The following ARID4B variants were observed in gnomAD, a reference collection of about 807,000 sequenced individuals.
The protein encoded by ARID4B is AT-rich interaction domain 4B.
In ARID4B, 26 loss-of-function variants were observed where a neutral mutation model predicts 147.5. The ratio of observed to expected loss-of-function variants is 0.18; its 90% CI spans 0.13 to 0.24. The LOEUF is 0.24. Among genes scored for constraint, ARID4B ranks in the 10% least tolerant of loss-of-function variants. ARID4B has a pLI of 1.00. For missense variants in ARID4B, 1,179 were observed against 1,511.5 expected (o/e 0.78, Z 3.65); for synonymous variants, 512 against 507.9 (o/e 1.01, Z -0.11).
intron 2 of ARID4B, among the ~76,000 whole-genome samples, chr1:235,282,426 T>G (rs895973771): frequency 6.6e-6 from 1 of 152,222 alleles, no homozygotes; most frequent in East Asian, 1.9e-4. Flanking sequence ...TAACAGTCAA[T>G]GCAAATTTAG....
intron 12 of ARID4B, among the ~76,000 whole-genome samples, chr1:235,223,722 A>G (rs1208033572): frequency 1.3e-5 from 2 of 149,838 alleles, no homozygotes; most frequent in Admixed American, 6.7e-5. Flanking sequence ...AAGAAAACGC[A>G]AGGCAAGGAT....
Position 235,294,976 on chromosome 1 carries a change from A to C in ARID4B, c.6+31938T>G, listed in dbSNP as rs572326522. Among the ~76,000 whole-genome samples, 397 of 151,528 alleles carry C rather than the reference A, an allele frequency of 2.6e-3. 2 individuals are homozygous for C. The highest frequency in any genetic ancestry group is 0.024 in the Middle Eastern group (7 of 294). ...AAATACACAGAGAATTATTATTTCAAGTATCTTAAATATTAATATTTATTT... is the reference window on the plus strand; with the variant it reads ...AAATACACAGAGAATTATTATTTCACGTATCTTAAATATTAATATTTATTT... On this transcript the variant is annotated intron_variant, in intron 2 of 23. Transcript: ENST00000264183.
intron 2 of ARID4B, among the ~76,000 whole-genome samples, chr1:235,261,357 A>C (rs1439430507): frequency 1.3e-5 from 2 of 152,112 alleles, no homozygotes; most frequent in African/African-American, 4.8e-5. Flanking sequence ...TCAACTCTAC[A>C]AAATAAAAAA....
rs1417865762 is a variant in ARID4B at position 235,175,229 on chromosome 1, G to T, written c.3619C>A (p.Pro1207Thr). The change falls in exon 22 of 24, where the codon CCC becomes ACC. Residue 1207 changes from proline to threonine, a missense_variant. Pro to Thr is a conservative substitution (Grantham distance 38). Transcript: ENST00000264183. Reference protein sequence around the residue: ...NGDKDPDLKEPSNRLPKVYKW... With the variant: ...NGDKDPDLKETSNRLPKVYKW... Reference sequence around the variant, plus strand: ...TAAACTTTGGGTAATCGATTACTGGGTTCCTTGAGATCAGGATCCTTATCA... The same window carrying T: ...TAAACTTTGGGTAATCGATTACTGGTTTCCTTGAGATCAGGATCCTTATCA... 3.7e-6 allele frequency: 6 copies of T among 1,614,044 alleles called. No individual in the cohort carries two copies. The highest frequency in any genetic ancestry group is 5.1e-6 in the Non-Finnish European group (6 of 1,180,042).
At chr1:235,276,726 G>A (rs577540676) in intron 2 of ARID4B, among the ~76,000 whole-genome samples, 14 of 152,178 alleles carry the variant, frequency 9.2e-5, no homozygotes, top group African/African-American at 2.6e-4. Flanking sequence ...GGCCAGGCGC[G>A]GTGGCTCATG....
At chr1:235,267,812 G>A (rs990196534) in intron 2 of ARID4B, among the ~76,000 whole-genome samples, 2 of 152,102 alleles carry the variant, frequency 1.3e-5, no homozygotes, top group Non-Finnish European at 2.9e-5. Context: ...GCTGAGGCAG[G>A]AGAATGGCAT....
chr1:235,210,293 A>C (rs781395014), intron 17 of ARID4B, among the ~76,000 whole-genome samples: 9 of 152,046 alleles, frequency 5.9e-5, no homozygotes, highest in Admixed American at 1.3e-4. Flanking sequence ...AGGTCCACAC[A>C]AATCTCCCAA....
chr1:235,199,827 C>T (rs2102975273), intron 17 of ARID4B, among the ~76,000 whole-genome samples: 1 of 152,270 alleles, frequency 6.6e-6, no homozygotes, highest in African/African-American at 2.4e-5. Flanking sequence ...TTAAATAGCA[C>T]TTTAGTTGTC....
intron 13 of ARID4B, among the ~76,000 whole-genome samples, chr1:235,221,951 T>G (rs1387862926): frequency 2.4e-5 from 3 of 126,334 alleles, no homozygotes; most frequent in Non-Finnish European, 4.8e-5. Flanking sequence ...TTGCCTAGGC[T>G]AAAGTGCAGC....
chr1:235,173,826 C>CATAT (rs59203627), intron 22 of ARID4B, among the ~76,000 whole-genome samples: 10,389 of 81,110 alleles, frequency 0.13, 949 homozygotes, highest in African/African-American at 0.2. Flanking sequence ...ATACCTAAAA[C>CATAT]ATATATATAT....
At chr1:235,327,070 G>C (rs1450462968) in intron 1 of ARID4B, 102 bp from the exon 2 acceptor site, 6 of 786,018 alleles carry the variant, frequency 7.6e-6, no homozygotes, top group South Asian at 4.8e-5. Context: ...CCCGAAGAAA[G>C]AGCCGCAACC....
rs183849366 is a variant in ARID4B, at chr1:235,184,008, A to C, written c.2126-1215T>G. Among the ~76,000 whole-genome samples the C allele has an allele frequency of 1.1e-3, 174 of 151,946 alleles. 2 individuals carry two copies. The highest frequency in any genetic ancestry group is 3.9e-3 in the African/African-American group (161 of 41,444). On this transcript the variant is annotated intron_variant, in intron 19 of 23. Coordinates refer to ENST00000264183, the MANE Select transcript of ARID4B (RefSeq NM_016374.6). ...TGCCAAGGCTGGTCTTGAACTCCTG[A>C]GCTCTAGCAACCTGCCTACCTCAGC...
At chr1:235,189,127 G>A (rs536768074) in intron 19 of ARID4B, among the ~76,000 whole-genome samples, 32 of 152,104 alleles carry the variant, frequency 2.1e-4, no homozygotes, top group Non-Finnish European at 4.4e-4. Context: ...AAGGCTGGGC[G>A]CAGTGGCTCA....
intron 9 of ARID4B, among the ~76,000 whole-genome samples, chr1:235,233,350 C>T (rs1400942168): frequency 6.6e-6 from 1 of 152,046 alleles, no homozygotes; most frequent in Non-Finnish European, 1.5e-5. Flanking sequence ...AAAGGATAAC[C>T]TGAGCCCAAA....
chr1:235,194,760 G>A (rs915696129), intron 18 of ARID4B, among the ~76,000 whole-genome samples: 11 of 151,956 alleles, frequency 7.2e-5, no homozygotes, highest in African/African-American at 1.5e-4. Context: ...TGGAGGTTGC[G>A]GTGAGCCAAG....
chr1:235,274,265 T>A (rs188322014), intron 2 of ARID4B, among the ~76,000 whole-genome samples: 1 of 151,212 alleles, frequency 6.6e-6, no homozygotes, highest in East Asian at 1.9e-4. Flanking sequence ...GGGAGGCTAC[T>A]TGGGAGGTTG....
chr1:235,276,752 C>T (rs1342021389), intron 2 of ARID4B, among the ~76,000 whole-genome samples: 2 of 152,092 alleles, frequency 1.3e-5, no homozygotes, highest in Non-Finnish European at 2.9e-5. Flanking sequence ...AATCCCAGCA[C>T]TTTGGGAGGC....
At chr1:235,281,900 A>G (rs1671693814) in intron 2 of ARID4B, among the ~76,000 whole-genome samples, 1 of 152,202 alleles carries the variant, frequency 6.6e-6, no homozygotes, top group African/African-American at 2.4e-5. Context: ...AGAAATTATC[A>G]CATTACTTAT....
intron 3 of ARID4B, among the ~76,000 whole-genome samples, chr1:235,257,482 T>C (rs184334413): frequency 1.2e-4 from 18 of 152,210 alleles, no homozygotes; most frequent in Non-Finnish European, 2.4e-4. Flanking sequence ...TTTTTTTTTT[T>C]TTAACTTTTT....
Sources: allele counts gnomAD v4.1 joint callset (sites outside exome capture counted in the v4.1 genomes callset), GRCh38; gene constraint gnomAD v4.1.1; transcripts MANE v1.5; gene names NCBI Gene and HGNC (gene_info 2026-07-23, HGNC 2026-07-21).